The following MTG2 variants were observed in gnomAD, a reference collection of about 807,000 sequenced individuals.
MTG2 encodes the protein mitochondrial ribosome-associated GTPase 2.
In MTG2, 23 loss-of-function variants were observed where a neutral mutation model predicts 28.6. That is an observed-to-expected ratio of 0.80 (90% CI 0.58 to 1.14). The LOEUF (loss-of-function observed/expected upper bound fraction) is 1.14. Ranked by LOEUF, MTG2 falls within the 50% of genes most tolerant of loss-of-function variation. The pLI is 0.00. For missense variants in MTG2, 539 were observed against 552.0 expected (o/e 0.98, Z 0.24); for synonymous variants, 260 against 251.8 (o/e 1.03, Z -0.31).
rs751881753 is a variant in MTG2, at chr20:62,201,122, C to T, written c.*45C>T. 4 of 1,521,912 alleles carry T rather than the reference C, an allele frequency of 2.6e-6. No homozygotes were observed. Among genetic ancestry groups the T allele is most frequent in the Non-Finnish European group, 2.6e-6 (3 of 1,141,878 alleles). The allele number at this position is 1,521,912 out of a possible 1,614,324, so 94.3% of individuals were successfully genotyped here. ...CCTCTGGGCCTCTGTCTGAGCAAAC[C>T]TGGGTGTGAATTCGGTGGTTTTGAA... is the stretch of plus-strand genomic sequence containing the variant. On this transcript the variant is annotated 3_prime_UTR_variant, in exon 7 of 7. Coordinates refer to ENST00000370823, the MANE Select transcript of MTG2 (RefSeq NM_015666.4).
intron 1 of MTG2, among the ~76,000 whole-genome samples, chr20:62,186,853 CTG>C (rs2057860084): frequency 6.6e-6 from 1 of 152,186 alleles, no homozygotes; most frequent in East Asian, 1.9e-4. Flanking sequence ...CTGTGGAACT[CTG>C]TCCTCTCTTC....
At chr20:62,190,524 G>A (rs941216549) in intron 1 of MTG2, among the ~76,000 whole-genome samples, 8 of 152,130 alleles carry the variant, frequency 5.3e-5, no homozygotes, top group African/African-American at 1.7e-4. Context: ...AACTATGTTC[G>A]TTTTCTGCCA....
chr20:62,196,009 T>C, intron 3 of MTG2, 60 bp downstream of exon 3: 2 of 1,588,980 alleles, frequency 1.3e-6, no homozygotes, highest in Non-Finnish European at 1.7e-6. Flanking sequence ...GCATGTGCAT[T>C]TGAACTAAAA....
intron 1 of MTG2, among the ~76,000 whole-genome samples, chr20:62,192,512 A>G (rs1275650473): frequency 2.0e-5 from 3 of 152,140 alleles, no homozygotes; most frequent in Non-Finnish European, 4.4e-5. Context: ...AGGCCTCATC[A>G]TGGAGACATG....
At chr20:62,190,071 G>A (rs576197783) in intron 1 of MTG2, among the ~76,000 whole-genome samples, 1 of 152,158 alleles carries the variant, frequency 6.6e-6, no homozygotes, top group African/African-American at 2.4e-5. Flanking sequence ...TTTTTCTTTG[G>A]AATTGTTGGG....
chr20:62,196,000 C>A, intron 3 of MTG2, 51 bp downstream of exon 3: 1 of 1,598,906 alleles, frequency 6.3e-7, no homozygotes, highest in Admixed American at 1.7e-5. Context: ...CCCGAGACTG[C>A]ATGTGCATTT....
At chr20:62,198,947 A>C (rs1167111928) in intron 5 of MTG2, 95 bp downstream of exon 5, 7 of 1,563,596 alleles carry the variant, frequency 4.5e-6, no homozygotes, top group Non-Finnish European at 6.1e-6. Flanking sequence ...GGAAGAGAAC[A>C]GCTTTGCGAC....
In MTG2 at chr20:62,201,389, G is replaced by A. The variant is rs6062141; in HGVS notation, c.*312G>A. On this transcript the variant is annotated 3_prime_UTR_variant, in exon 7 of 7. Transcript: ENST00000370823. ...ACGGGGTGGCCCTGCCGCTGACTCA[G>A]GTCTCCGCCATGCACGCGTGGACTC... The A allele has an allele frequency of 2.7e-6, 1 of 373,120 alleles. No individual in the cohort carries two copies. 23.1% of individuals were successfully genotyped at this position (373,120 alleles called of 1,614,324 possible).
intron 1 of MTG2, among the ~76,000 whole-genome samples, chr20:62,186,435 T>C (rs1048465937): frequency 3.9e-5 from 6 of 152,204 alleles, no homozygotes; most frequent in African/African-American, 1.4e-4. Context: ...TACAGTTGTT[T>C]GCGGCTGGTA....
chr20:62,200,384 A>G (rs1057513816), intron 6 of MTG2: 8 of 317,942 alleles, frequency 2.5e-5, no homozygotes, highest in African/African-American at 1.1e-4. Flanking sequence ...TTTGAATCCT[A>G]TTAGAAGCAG....
At position 62,203,173 on chromosome 20, in the gene MTG2, C is replaced by G. The variant is rs982335123; in HGVS notation, c.*2096C>G. The G allele has an allele frequency of 1.7e-4, 26 of 152,268 alleles. No individual in the cohort carries two copies. Among genetic ancestry groups the G allele is most frequent in the African/African-American group, 6.0e-4 (25 of 41,544 alleles). The allele number at this position is 152,268 out of a possible 1,614,324, so 9.4% of individuals were successfully genotyped here. Reference sequence around the variant, plus strand: ...TCTTGATGCTCTTGCAGGGGAGGCTCAAGATGCCTTGTGGCTCGACCCCTG... The same window carrying G: ...TCTTGATGCTCTTGCAGGGGAGGCTGAAGATGCCTTGTGGCTCGACCCCTG... On this transcript the variant is annotated 3_prime_UTR_variant, in exon 7 of 7. Coordinates refer to ENST00000370823, the MANE Select transcript of MTG2 (RefSeq NM_015666.4).
chr20:62,199,052 G>C, intron 5 of MTG2, 67 bp from the exon 6 acceptor site: 1 of 1,604,672 alleles, frequency 6.2e-7, no homozygotes, highest in East Asian at 2.2e-5. Context: ...ATCCCAGTTA[G>C]TTACAGACTC....
intron 1 of MTG2, among the ~76,000 whole-genome samples, chr20:62,183,810 C>T (rs950763141): frequency 6.6e-6 from 1 of 152,228 alleles, no homozygotes; most frequent in African/African-American, 2.4e-5. Context: ...GGTTCGTCCT[C>T]AGGCAGTTCT....
chr20:62,186,914 G>T (rs1385282948), intron 1 of MTG2, among the ~76,000 whole-genome samples: 1 of 152,126 alleles, frequency 6.6e-6, no homozygotes, highest in Non-Finnish European at 1.5e-5. Context: ...CTTTATTTCA[G>T]TGTGTGAAAG....
chr20:62,191,842 C>T (rs535264440), intron 1 of MTG2, among the ~76,000 whole-genome samples: 5 of 152,206 alleles, frequency 3.3e-5, no homozygotes, highest in Non-Finnish European at 7.4e-5. Context: ...TCCTGGAGGG[C>T]AGGGTCAGGA....
At chr20:62,188,237 A>G (rs774698048) in intron 1 of MTG2, among the ~76,000 whole-genome samples, 5 of 152,126 alleles carry the variant, frequency 3.3e-5, no homozygotes, top group Middle Eastern at 3.2e-3. Flanking sequence ...ATTATTTAGA[A>G]GAAGCTTGTT....
chr20:62,197,889 G>T lies in MTG2; in HGVS notation c.390G>T (p.Ser130=), dbSNP rs143808782. 3 of 1,614,172 alleles carry T rather than the reference G, an allele frequency of 1.9e-6. No homozygotes were observed. The highest frequency in any genetic ancestry group is 3.3e-5 in the Admixed American group (2 of 60,026). ...TCAAGTCCCTGTCGTCGGTCCTGTC[G>T]CGGTACCAGGGTTTCAGTGGAGAAG... is the stretch of plus-strand genomic sequence containing the variant. ...QQVKSLSSVL[S]RYQGFSGEDG... Residue 130 remains serine (S), a synonymous_variant, in exon 4 of 7, where the codon TCG becomes TCT. Coordinates refer to ENST00000370823, the MANE Select transcript of MTG2 (RefSeq NM_015666.4).
In MTG2 at chr20:62,201,971, A is replaced by G. The variant is rs977984670; in HGVS notation, c.*894A>G. 6.6e-6 allele frequency: 1 copy of G among 152,010 alleles called. No homozygotes were observed. The highest frequency in any genetic ancestry group is 2.4e-5 in the African/African-American group (1 of 41,380). The allele number at this position is 152,010 out of a possible 1,614,324, so 9.4% of individuals were successfully genotyped here. On this transcript the variant is annotated 3_prime_UTR_variant, in exon 7 of 7. Coordinates refer to ENST00000370823, the MANE Select transcript of MTG2 (RefSeq NM_015666.4). ...CCTGGTAATATGGGGCGGAATTTCC[A>G]CTCAGCTCCATTTGCTGGGGATTTA...
At chr20:62,197,683 A>G in intron 3 of MTG2, 169 bp from the exon 4 acceptor site, 1 of 591,982 alleles carries the variant, frequency 1.7e-6, no homozygotes, top group Non-Finnish European at 3.0e-6. Context: ...GAAGGAAAAT[A>G]AGGATTTCAT....
Sources: allele counts gnomAD v4.1 joint callset (sites outside exome capture counted in the v4.1 genomes callset), GRCh38; gene constraint gnomAD v4.1.1; transcripts MANE v1.5; gene names NCBI Gene and HGNC (gene_info 2026-07-23, HGNC 2026-07-21).